Variants in DGKB observed in about 807,000 individuals in gnomAD.
The protein encoded by DGKB is 90 kDa diacylglycerol kinase.
DGKB carries 67 observed loss-of-function variants against 114.3 expected under a neutral mutation model. The ratio of observed to expected loss-of-function variants is 0.59; its 90% CI spans 0.48 to 0.72. The LOEUF (loss-of-function observed/expected upper bound fraction) is 0.72. Ranked by LOEUF, DGKB falls within the 30% of genes least tolerant of loss-of-function variation. DGKB has a pLI of 0.00. For synonymous variants in DGKB, 398 were observed against 323.1 expected (o/e 1.23, Z -2.49); for missense variants, 907 against 975.2 (o/e 0.93, Z 0.93).
At chr7:14,747,829 C>T (rs1723248) in intron 4 of DGKB, among the ~76,000 whole-genome samples, 57,180 of 151,754 alleles carry the variant, frequency 0.38, 15,637 homozygotes, top group African/African-American at 0.76. Context: ...AAACTGCTTT[C>T]TCATTTTTTT....
chr7:14,365,328 A>G (rs995476810), intron 21 of DGKB, among the ~76,000 whole-genome samples: 1 of 152,026 alleles, frequency 6.6e-6, no homozygotes, highest in African/African-American at 2.4e-5. Context: ...AAATGTACCT[A>G]TATCTTCTAA....
chr7:14,231,785 C>T (rs954386420), intron 23 of DGKB, among the ~76,000 whole-genome samples: 3 of 151,870 alleles, frequency 2.0e-5, no homozygotes, highest in African/African-American at 7.3e-5. Context: ...TAAAGATGGT[C>T]ATCTTTATTG....
intron 23 of DGKB, among the ~76,000 whole-genome samples, chr7:14,187,902 A>G (rs1473157767): frequency 2.0e-5 from 3 of 152,228 alleles, no homozygotes. Flanking sequence ...TATGATTTTA[A>G]GGAAACTGAG....
chr7:14,775,862 G>A (rs1189374382), intron 2 of DGKB, among the ~76,000 whole-genome samples: 1 of 152,072 alleles, frequency 6.6e-6, no homozygotes, highest in African/African-American at 2.4e-5. Flanking sequence ...GTGGGGTGCT[G>A]CTGTAAAGAT....
chr7:14,241,945 C>T (rs1291977961), intron 23 of DGKB, among the ~76,000 whole-genome samples: 8 of 100,076 alleles, frequency 8.0e-5, no homozygotes, highest in African/African-American at 1.4e-4. Flanking sequence ...TAGATATATA[C>T]ACACACACAT....
chr7:14,203,752 T>C (rs1786293033), intron 23 of DGKB, among the ~76,000 whole-genome samples: 1 of 151,970 alleles, frequency 6.6e-6, no homozygotes, highest in South Asian at 2.1e-4. Flanking sequence ...TTTGTTCAGA[T>C]AGGATAACTG....
intron 1 of DGKB, among the ~76,000 whole-genome samples, chr7:14,884,438 T>C (rs1325321062): frequency 6.6e-6 from 1 of 151,980 alleles, no homozygotes; most frequent in Non-Finnish European, 1.5e-5. Flanking sequence ...TAGGAAGCCA[T>C]GGAAGATTGA....
chr7:14,438,386 A>C (rs936035701), intron 21 of DGKB, among the ~76,000 whole-genome samples: 1 of 152,140 alleles, frequency 6.6e-6, no homozygotes, highest in Non-Finnish European at 1.5e-5. Context: ...TCCACCGAAA[A>C]CATTTTGTTA....
At chr7:14,549,945 C>T (rs916031340) in intron 20 of DGKB, among the ~76,000 whole-genome samples, 9 of 151,510 alleles carry the variant, frequency 5.9e-5, no homozygotes, top group African/African-American at 1.7e-4. Context: ...GCCAAGATCA[C>T]GCCACTGCAC....
intron 13 of DGKB, among the ~76,000 whole-genome samples, chr7:14,646,253 C>T (rs543350658): frequency 6.6e-6 from 1 of 151,932 alleles, no homozygotes; most frequent in East Asian, 1.9e-4. Context: ...GACTTTAAGT[C>T]AAAAAACATA....
chr7:14,690,153 A>G (rs575618888), intron 9 of DGKB, among the ~76,000 whole-genome samples: 1 of 152,342 alleles, frequency 6.6e-6, no homozygotes, highest in East Asian at 1.9e-4. Flanking sequence ...AAATTAAATG[A>G]CGATCCAAAG....
chr7:14,227,486 C>A (rs181450437), intron 23 of DGKB, among the ~76,000 whole-genome samples: 38 of 152,132 alleles, frequency 2.5e-4, no homozygotes, highest in Non-Finnish European at 4.6e-4. Context: ...CAAAAAGGAT[C>A]TGCTAAAGTC....
At position 14,528,671 on chromosome 7, in the gene DGKB, A is replaced by T. The variant is rs75430065; in HGVS notation, c.1770+45541T>A. 5.3e-3 allele frequency among the ~76,000 whole-genome samples: 809 copies of T among 152,140 alleles called. 5 individuals carry two copies. Among genetic ancestry groups the T allele is most frequent in the Middle Eastern group, 0.017 (5 of 294 alleles). On this transcript the variant is annotated intron_variant, in intron 20 of 25. Coordinates refer to ENST00000402815, the MANE Select transcript of DGKB (RefSeq NM_001350709.2). ...TCTATGGAGTGAAAACAGAAAAAAA[A>T]CTATCAAGACATTATGCTAATAGAG... is the stretch of plus-strand genomic sequence containing the variant.
At chr7:14,560,946 A>G (rs1177418710) in intron 20 of DGKB, among the ~76,000 whole-genome samples, 2 of 152,174 alleles carry the variant, frequency 1.3e-5, no homozygotes, top group Non-Finnish European at 2.9e-5. Context: ...GATGATTAAT[A>G]ATATTGAGCA....
At chr7:14,353,148 T>C (rs1332113311) in intron 21 of DGKB, among the ~76,000 whole-genome samples, 1 of 152,138 alleles carries the variant, frequency 6.6e-6, no homozygotes, top group African/African-American at 2.4e-5. Context: ...TTTTCCCAAA[T>C]GTCTCTCATT....
chr7:14,426,912 T>C (rs1487132741), intron 21 of DGKB, among the ~76,000 whole-genome samples: 1 of 151,536 alleles, frequency 6.6e-6, no homozygotes, highest in Non-Finnish European at 1.5e-5. Context: ...ATACAAACAT[T>C]AGCCAGGCAC....
intron 1 of DGKB, among the ~76,000 whole-genome samples, chr7:14,923,422 T>C (rs1562878560): frequency 1.3e-5 from 2 of 152,210 alleles, no homozygotes; most frequent in Non-Finnish European, 2.9e-5. Flanking sequence ...TGAGATTATA[T>C]GCTTTTGTGA....
At chr7:14,832,367 T>C (rs1479977314) in intron 2 of DGKB, among the ~76,000 whole-genome samples, 1 of 152,014 alleles carries the variant, frequency 6.6e-6, no homozygotes, top group African/African-American at 2.4e-5. Context: ...CATGTCTTTC[T>C]CTCCTATGCA....
At chr7:14,236,786 A>G (rs1792855169) in intron 23 of DGKB, among the ~76,000 whole-genome samples, 1 of 152,048 alleles carries the variant, frequency 6.6e-6, no homozygotes, top group African/African-American at 2.4e-5. Context: ...TTCTCACACC[A>G]GCACACATCT....
Sources: gnomAD v4.1 joint callset for allele counts (sites outside exome capture counted in the v4.1 genomes callset) on GRCh38, gnomAD v4.1.1 for gene constraint, MANE v1.5 for transcripts, NCBI Gene and HGNC (gene_info 2026-07-23, HGNC 2026-07-21) for gene names.